The following PHAX variants were observed in gnomAD, a reference collection of about 807,000 sequenced individuals.
PHAX encodes phosphorylated adapter RNA export protein.
A neutral mutation model predicts 41.6 loss-of-function variants in PHAX; 31 were observed. That is an observed-to-expected ratio of 0.75 (90% CI 0.56 to 1.01). The LOEUF (loss-of-function observed/expected upper bound fraction) is 1.01, where lower values mean the gene tolerates loss of function less well. Among genes scored for constraint, PHAX ranks in the 50% least tolerant of loss-of-function variants. The pLI is 0.00. For missense variants in PHAX, 453 were observed against 472.9 expected (o/e 0.96, Z 0.39); for synonymous variants, 175 against 164.9 (o/e 1.06, Z -0.47).
In PHAX at chr5:126,610,548, A is replaced by G. The variant is rs377400862; in HGVS notation, c.831+2064A>G. Among the ~76,000 whole-genome samples the G allele has an allele frequency of 1.2e-4, 19 of 152,324 alleles. No individual in the cohort carries two copies. The East Asian group carries it at 3.7e-3, about 29-fold the overall frequency. ...TAATCATGAATGCACTGCCATCCCT[A>G]TTTGTGTCATTGTTAAAGTACTTCA... On this transcript the variant is annotated intron_variant, in intron 3 of 4. Transcript: ENST00000297540.
At chr5:126,617,651 G>A (rs372909969) in intron 4 of PHAX, among the ~76,000 whole-genome samples, 1 of 151,952 alleles carries the variant, frequency 6.6e-6, no homozygotes, top group South Asian at 2.1e-4. Context: ...GCTGATTTTT[G>A]TATTTTTAGT....
chr5:126,609,374 T>C (rs1752043279), intron 3 of PHAX, among the ~76,000 whole-genome samples: 1 of 152,052 alleles, frequency 6.6e-6, no homozygotes, highest in East Asian at 1.9e-4. Flanking sequence ...GTGCTGGGAT[T>C]ACAGGCGTGA....
At chr5:126,608,979 G>T (rs1010326182) in intron 3 of PHAX, among the ~76,000 whole-genome samples, 11 of 150,158 alleles carry the variant, frequency 7.3e-5, no homozygotes, top group African/African-American at 2.7e-4. Context: ...TAGTACAGTT[G>T]TTTTTGCAGT....
chr5:126,602,421 A>G (rs1751917977), intron 1 of PHAX, among the ~76,000 whole-genome samples: 1 of 152,226 alleles, frequency 6.6e-6, no homozygotes, highest in Non-Finnish European at 1.5e-5. Context: ...TGGAATTGGC[A>G]TGATGTACCA....
rs1451886990 is a variant in PHAX, at chr5:126,627,093, TCAG to T, written c.*2252_*2254del. 6.6e-6 allele frequency: 1 copy of T among 152,216 alleles called. No individual in the cohort carries two copies. Among genetic ancestry groups the T allele is most frequent in the Non-Finnish European group, 1.5e-5 (1 of 68,040 alleles). The allele number at this position is 152,216 out of a possible 1,614,324, so 9.4% of individuals were successfully genotyped here. The stretch of plus-strand genomic sequence containing the variant: ...TGTATATTAAGCAAAAATGTAAAAT[TCAG>T]CAATTATAAACTGTTCCTTACAGAC... On this transcript the variant is annotated 3_prime_UTR_variant, in exon 5 of 5. Transcript: ENST00000297540.
chr5:126,604,359 C>T (rs566150744), intron 2 of PHAX, among the ~76,000 whole-genome samples, 176 bp downstream of exon 2: 71 of 148,414 alleles, frequency 4.8e-4, no homozygotes, highest in Middle Eastern at 3.4e-3. Context: ...TCCGCCTCCT[C>T]GCTCAAGGGA....
In PHAX at chr5:126,606,737, C is replaced by T. The variant is rs185006872; in HGVS notation, c.711-1627C>T. 2.7e-3 allele frequency among the ~76,000 whole-genome samples: 413 copies of T among 152,106 alleles called. 4 individuals carry two copies. Among genetic ancestry groups the T allele is most frequent in the African/African-American group, 9.6e-3 (398 of 41,482 alleles). ...CATGATCTCAGCTCACTGCAACCTCCGCCTCCTGGGTTCAATCAAATCTCC... is the reference window on the plus strand; with the variant it reads ...CATGATCTCAGCTCACTGCAACCTCTGCCTCCTGGGTTCAATCAAATCTCC... On this transcript the variant is annotated intron_variant, in intron 2 of 4. Transcript: ENST00000297540.
At chr5:126,604,274 C>CT (rs57270218) in intron 2 of PHAX, 91 bp downstream of exon 2, 56,039 of 642,268 alleles carry the variant, frequency 0.087, 105 homozygotes, top group Non-Finnish European at 0.097. Context: ...TGATATGTTC[C>CT]TTTTTTTTTT....
At chr5:126,603,390 C>T (rs992798289) in intron 1 of PHAX, among the ~76,000 whole-genome samples, 180 bp from the exon 2 acceptor site, 7 of 152,142 alleles carry the variant, frequency 4.6e-5, no homozygotes, top group Non-Finnish European at 8.8e-5. Flanking sequence ...GAATTTGTGG[C>T]TTTTAAATTG....
chr5:126,601,498 G>A (rs6882015), intron 1 of PHAX, among the ~76,000 whole-genome samples: 37,109 of 152,064 alleles, frequency 0.24, 5,402 homozygotes, highest in African/African-American at 0.39. Context: ...TAGCATCTAG[G>A]GACATCAGCC....
At chr5:126,622,900 TGG>T (rs1455250286) in intron 4 of PHAX, among the ~76,000 whole-genome samples, 3 of 151,900 alleles carry the variant, frequency 2.0e-5, no homozygotes, top group Non-Finnish European at 4.4e-5. Flanking sequence ...CCGAGGCAGG[TGG>T]GTCACTTGAG....
chr5:126,605,455 G>C (rs986302890), intron 2 of PHAX, among the ~76,000 whole-genome samples: 3 of 152,054 alleles, frequency 2.0e-5, no homozygotes, highest in African/African-American at 7.2e-5. Flanking sequence ...TGCAGTGGTG[G>C]TATCCTGGCT....
chr5:126,624,686 T>G lies in PHAX; in HGVS notation c.1027T>G (p.Phe343Val). ...GAAACAAGCTATTAAAAGTCTAAAT[T>G]TTCAAGAAGATGATGATACATCACG... ...KMKQAIKSLNFQEDDDTSRET... is the reference protein window; with the variant it reads ...KMKQAIKSLNVQEDDDTSRET... Residue 343 changes from phenylalanine to valine, a missense_variant, in exon 5 of 5, where the codon TTT (phenylalanine) becomes GTT (valine). Coordinates refer to ENST00000297540, the MANE Select transcript of PHAX (RefSeq NM_032177.4). 6.2e-7 allele frequency: 1 copy of G among 1,614,134 alleles called. No individual in the cohort carries two copies.
At chr5:126,607,075 A>G (rs1466933951) in intron 2 of PHAX, among the ~76,000 whole-genome samples, 1 of 152,192 alleles carries the variant, frequency 6.6e-6, no homozygotes, top group Non-Finnish European at 1.5e-5. Context: ...ATTAGCTCTA[A>G]ATTACTAATG....
chr5:126,609,131 C>T (rs1296806530), intron 3 of PHAX, among the ~76,000 whole-genome samples: 6 of 99,244 alleles, frequency 6.0e-5, no homozygotes, highest in East Asian at 3.7e-4. Flanking sequence ...GAAGGAGTCT[C>T]GCTCTGTCGC....
intron 1 of PHAX, among the ~76,000 whole-genome samples, chr5:126,602,827 A>AC (rs1203440565): frequency 6.6e-6 from 1 of 151,614 alleles, no homozygotes; most frequent in Admixed American, 6.6e-5. Context: ...ACGCGGTGAA[A>AC]CCCCCTCTCT....
chr5:126,619,545 C>G (rs1752237967), intron 4 of PHAX, among the ~76,000 whole-genome samples: 1 of 151,036 alleles, frequency 6.6e-6, no homozygotes, highest in Non-Finnish European at 1.5e-5. Context: ...CACTGTACTC[C>G]AGCCTGGGTG....
chr5:126,618,735 G>A (rs905977704), intron 4 of PHAX, among the ~76,000 whole-genome samples: 10 of 148,942 alleles, frequency 6.7e-5, no homozygotes, highest in African/African-American at 1.7e-4. Context: ...TCATGATCTC[G>A]GCAACCTCTG....
chr5:126,627,128 C>T lies in PHAX; in HGVS notation c.*2284C>T, dbSNP rs1435537842. The T allele has an allele frequency of 6.6e-6, 1 of 152,116 alleles. No individual in the cohort carries two copies. The highest frequency in any genetic ancestry group is 1.5e-5 in the Non-Finnish European group (1 of 68,040). The allele number at this position is 152,116 out of a possible 1,614,324, so 9.4% of individuals were successfully genotyped here. ...TAAACTGTTCCTTACAGACAGTGTACTTGAAGTCTTTTGGTAGTTCTGAGA... is the reference window on the plus strand; with the variant it reads ...TAAACTGTTCCTTACAGACAGTGTATTTGAAGTCTTTTGGTAGTTCTGAGA... On this transcript the variant is annotated 3_prime_UTR_variant, in exon 5 of 5. Coordinates refer to ENST00000297540, the MANE Select transcript of PHAX (RefSeq NM_032177.4).
Sources: gnomAD v4.1 joint callset for allele counts (sites outside exome capture counted in the v4.1 genomes callset) on GRCh38, gnomAD v4.1.1 for gene constraint, MANE v1.5 for transcripts, NCBI Gene and HGNC (gene_info 2026-07-23, HGNC 2026-07-21) for gene names.